The following HDAC4 variants were observed in gnomAD, a reference collection of about 807,000 sequenced individuals.
HDAC4 encodes the protein histone deacetylase A.
A neutral mutation model predicts 135.1 loss-of-function variants in HDAC4; 16 were observed. The ratio of observed to expected loss-of-function variants is 0.12; its 90% confidence interval spans 0.08 to 0.18. HDAC4 has a LOEUF of 0.18. HDAC4 is among the 10% of genes least tolerant of loss of function. HDAC4 has a pLI of 1.00. For missense variants in HDAC4, 1,143 were observed against 1,511.8 expected, an observed-to-expected ratio of 0.76 and a Z score of 4.05; for synonymous variants, 685 against 653.4, an observed-to-expected ratio of 1.05 and a Z score of -0.74.
chr2:239,279,985 G>A (rs2050612335), intron 2 of HDAC4, among the ~76,000 whole-genome samples: 1 of 152,076 alleles, frequency 6.6e-6, no homozygotes, highest in South Asian at 2.1e-4. Context: ...CACCTCTCGG[G>A]AGCATCTCAT....
At chr2:239,319,324 C>A (rs2053229987) in intron 2 of HDAC4, among the ~76,000 whole-genome samples, 1 of 152,204 alleles carries the variant, frequency 6.6e-6, no homozygotes, top group Non-Finnish European at 1.5e-5. Flanking sequence ...CCACACACAC[C>A]CAGATATTTC....
chr2:239,311,474 G>A (rs2052875123), intron 2 of HDAC4, among the ~76,000 whole-genome samples: 1 of 152,160 alleles, frequency 6.6e-6, no homozygotes, highest in Non-Finnish European at 1.5e-5. Flanking sequence ...CCAAGCATCC[G>A]GGAAATGTAG....
At chr2:239,214,288 CCT>C (rs1424895164) in intron 3 of HDAC4, among the ~76,000 whole-genome samples, 12 of 152,098 alleles carry the variant, frequency 7.9e-5, no homozygotes, top group Non-Finnish European at 7.4e-5. Context: ...CCTGCATGGC[CCT>C]GTCGACACTC....
At chr2:239,321,434 C>A (rs571344658) in intron 2 of HDAC4, among the ~76,000 whole-genome samples, 15 of 136,550 alleles carry the variant, frequency 1.1e-4, no homozygotes, top group South Asian at 9.1e-4. Flanking sequence ...CACTGCACTC[C>A]AGCCTGGGTG....
chr2:239,149,549 A>G (rs3828213), intron 7 of HDAC4, among the ~76,000 whole-genome samples: 20,964 of 152,062 alleles, frequency 0.14, 1,569 homozygotes, highest in East Asian at 0.24. Context: ...CACTGCCGCT[A>G]AGCAACCTCC....
chr2:239,191,612 G>T (rs1411530709), intron 3 of HDAC4, among the ~76,000 whole-genome samples: 1 of 152,248 alleles, frequency 6.6e-6, no homozygotes, highest in African/African-American at 2.4e-5. Context: ...GGAGCTTGGG[G>T]TTCTGATCCC....
chr2:239,159,730 A>G (rs938478400), intron 6 of HDAC4, among the ~76,000 whole-genome samples: 14 of 152,306 alleles, frequency 9.2e-5, no homozygotes, highest in Middle Eastern at 3.4e-3. Flanking sequence ...CACACTGGCC[A>G]CCCCACGGAG....
intron 2 of HDAC4, among the ~76,000 whole-genome samples, chr2:239,345,551 AAC>A (rs146766615): frequency 8.6e-5 from 13 of 150,540 alleles, no homozygotes; most frequent in East Asian, 2.0e-4. Flanking sequence ...GACCCTGTCT[AAC>A]ACACACACAC....
intron 1 of HDAC4, among the ~76,000 whole-genome samples, chr2:239,397,477 G>A (rs1329877710): frequency 6.6e-6 from 1 of 152,144 alleles, no homozygotes; most frequent in Non-Finnish European, 1.5e-5. Context: ...TCACGGTGGG[G>A]GCAATCTATG....
chr2:239,127,025 G>A lies in HDAC4; in HGVS notation c.1295-331C>T, dbSNP rs558982281. 2.2e-3 allele frequency among the ~76,000 whole-genome samples: 339 copies of A among 152,208 alleles called. 1 individual carries two copies. Among genetic ancestry groups the A allele is most frequent in the African/African-American group, 7.5e-3 (312 of 41,524 alleles). On this transcript the variant is annotated intron_variant, in intron 11 of 26. Transcript: ENST00000543185. ...GGCTACCACACAATTGTTCCTGGGG[G>A]CCACAGGCCCTAGAAAAGTGGGTTT...
chr2:239,304,885 CGCGAATGACTGG>C (rs2052488823), intron 2 of HDAC4, among the ~76,000 whole-genome samples: 1 of 152,046 alleles, frequency 6.6e-6, no homozygotes, highest in Non-Finnish European at 1.5e-5. Flanking sequence ...CATAGGAGAA[CGCGAATGACTGG>C]GCACCCAGGG....
intron 1 of HDAC4, among the ~76,000 whole-genome samples, chr2:239,356,380 G>A (rs1049328942): frequency 2.6e-5 from 4 of 152,084 alleles, no homozygotes; most frequent in African/African-American, 7.2e-5. Flanking sequence ...ATAAAAAAGC[G>A]AGACCCTACT....
intron 8 of HDAC4, chr2:239,140,846 G>A (rs568786035): frequency 4.5e-5 from 18 of 403,906 alleles, no homozygotes; most frequent in Non-Finnish European, 7.4e-5. Flanking sequence ...TGGAGCCCAC[G>A]AGGACGCAGG....
intron 1 of HDAC4, among the ~76,000 whole-genome samples, chr2:239,358,565 C>G (rs1693665549): frequency 6.6e-6 from 1 of 152,198 alleles, no homozygotes. Context: ...TGCTGGGCGA[C>G]AGAGCACGCA....
intron 2 of HDAC4, among the ~76,000 whole-genome samples, chr2:239,351,146 G>A (rs1693125768): frequency 6.6e-6 from 1 of 152,174 alleles, no homozygotes; most frequent in Admixed American, 6.5e-5. Flanking sequence ...TTAAGTGCAC[G>A]GGCTCACTGA....
intron 24 of HDAC4, 94 bp downstream of exon 24, chr2:239,066,628 G>C: frequency 6.4e-7 from 1 of 1,572,118 alleles, no homozygotes; most frequent in South Asian, 1.1e-5. Flanking sequence ...GAGACCCACT[G>C]GCTTTTTCAT....
intron 8 of HDAC4, 132 bp downstream of exon 8, chr2:239,144,451 C>T (rs2041616290): frequency 3.3e-6 from 4 of 1,216,140 alleles, no homozygotes; most frequent in Non-Finnish European, 4.9e-6. Flanking sequence ...GCCATGGGAA[C>T]AGGACCACAC....
At chr2:239,266,697 A>C (rs893696863) in intron 2 of HDAC4, among the ~76,000 whole-genome samples, 3 of 152,074 alleles carry the variant, frequency 2.0e-5, no homozygotes, top group Non-Finnish European at 2.9e-5. Flanking sequence ...CACATTCTAC[A>C]TCTGCCTCTT....
intron 20 of HDAC4, among the ~76,000 whole-genome samples, chr2:239,083,434 T>A (rs999668363): frequency 6.6e-6 from 1 of 152,252 alleles, no homozygotes; most frequent in Non-Finnish European, 1.5e-5. Context: ...TGTGCCATAT[T>A]GTTTCTTTAC....
Sources: gnomAD v4.1 joint callset for allele counts (sites outside exome capture counted in the v4.1 genomes callset) on GRCh38, gnomAD v4.1.1 for gene constraint, MANE v1.5 for transcripts, NCBI Gene and HGNC (gene_info 2026-07-23, HGNC 2026-07-21) for gene names.